The following BNC2 variants were observed in gnomAD, a reference collection of about 807,000 sequenced individuals.
The protein encoded by BNC2 is basonuclin zinc finger protein 2.
Under a neutral mutation model 76.3 loss-of-function variants are expected in BNC2, and 20 were observed. That is an observed-to-expected ratio of 0.26 (90% CI 0.18 to 0.38). BNC2 has a LOEUF of 0.38. Ranked by LOEUF, BNC2 falls within the 10% of genes least tolerant of loss-of-function variation. BNC2 has a pLI of 1.00. For synonymous variants in BNC2, 582 were observed against 514.8 expected (o/e 1.13, Z -1.77); for missense variants, 1,382 against 1,399.8 (o/e 0.99, Z 0.20).
intron 3 of BNC2, among the ~76,000 whole-genome samples, chr9:16,603,810 A>G (rs1820306236): frequency 1.3e-5 from 2 of 152,022 alleles, no homozygotes; most frequent in African/African-American, 4.8e-5. Context: ...AAAAATATAC[A>G]CTTTTCTTTA....
chr9:16,498,753 T>G (rs901040034), intron 5 of BNC2, among the ~76,000 whole-genome samples: 2 of 152,010 alleles, frequency 1.3e-5, no homozygotes, highest in African/African-American at 4.8e-5. Context: ...TAATTTATGA[T>G]GCCTCATATT....
At chr9:16,618,120 C>T (rs550045661) in intron 3 of BNC2, among the ~76,000 whole-genome samples, 1 of 152,304 alleles carries the variant, frequency 6.6e-6, no homozygotes, top group South Asian at 2.1e-4. Flanking sequence ...AATCCCTGAT[C>T]CCATACCCAA....
intron 5 of BNC2, among the ~76,000 whole-genome samples, chr9:16,513,007 T>C (rs1194974690): frequency 6.6e-6 from 1 of 151,922 alleles, no homozygotes; most frequent in Non-Finnish European, 1.5e-5. Context: ...TTTTGGCGCA[T>C]GTTTGTAATC....
chr9:16,668,723 C>G (rs1287530962), intron 3 of BNC2, among the ~76,000 whole-genome samples: 1 of 152,206 alleles, frequency 6.6e-6, no homozygotes, highest in South Asian at 2.1e-4. Flanking sequence ...GAAGAATTGG[C>G]AGGGTGGTTG....
chr9:16,476,612 C>A (rs1019230845), intron 5 of BNC2, among the ~76,000 whole-genome samples: 5 of 152,022 alleles, frequency 3.3e-5, no homozygotes, highest in Non-Finnish European at 7.4e-5. Context: ...GTCCCCTCCC[C>A]CTAGTCTGTA....
At chr9:16,527,428 C>G (rs1443134061) in intron 5 of BNC2, among the ~76,000 whole-genome samples, 2 of 152,170 alleles carry the variant, frequency 1.3e-5, no homozygotes, top group Non-Finnish European at 2.9e-5. Context: ...AAATGGGAGT[C>G]TTATCATCTA....
chr9:16,775,397 T>TA (rs34632311), intron 1 of BNC2, among the ~76,000 whole-genome samples: 118,510 of 148,202 alleles, frequency 0.8, 47,471 homozygotes, highest in Middle Eastern at 0.84. Context: ...ATTTCGTTAT[T>TA]AAAAAAAAAA....
intron 1 of BNC2, among the ~76,000 whole-genome samples, chr9:16,834,196 CA>C (rs112618677): frequency 6.7e-6 from 1 of 149,986 alleles, no homozygotes; most frequent in Non-Finnish European, 1.5e-5. Flanking sequence ...ACTGGCCAGT[CA>C]AAAAAAAAAT....
At chr9:16,443,416 T>G (rs1163285334) in intron 5 of BNC2, among the ~76,000 whole-genome samples, 2 of 152,176 alleles carry the variant, frequency 1.3e-5, no homozygotes, top group Non-Finnish European at 2.9e-5. Context: ...TTCTTTTTCC[T>G]TCTGGGTTAA....
At chr9:16,657,645 T>A (rs1271247647) in intron 3 of BNC2, among the ~76,000 whole-genome samples, 1 of 152,202 alleles carries the variant, frequency 6.6e-6, no homozygotes, top group Admixed American at 6.5e-5. Context: ...AGAAAGAGGC[T>A]TATCGTGTAT....
rs1587250033 is a variant in BNC2, at chr9:16,627,224, A to G, written c.331-44139T>C. Among the ~76,000 whole-genome samples, 5 of 152,322 alleles carry G rather than the reference A, an allele frequency of 3.3e-5. No individual in the cohort carries two copies. In the Middle Eastern group the frequency reaches 0.017, roughly 518 times the overall value. ...CAGTTGAAAAACAGAGTCTGAGGGTAGAGGCATAATCTGCCAATATTTTAC... is the reference window on the plus strand; with the variant it reads ...CAGTTGAAAAACAGAGTCTGAGGGTGGAGGCATAATCTGCCAATATTTTAC... On this transcript the variant is annotated intron_variant, in intron 3 of 6. Coordinates refer to ENST00000380672, the MANE Select transcript of BNC2 (RefSeq NM_017637.6).
chr9:16,506,512 TC>T lies in BNC2; in HGVS notation c.669+46017del, dbSNP rs1404406198. On this transcript the variant is annotated intron_variant, in intron 5 of 6. Coordinates refer to ENST00000380672, the MANE Select transcript of BNC2 (RefSeq NM_017637.6). ...AGTACACTTCTCTCTCTCTCTCTCC[TC>T]TTTTTTTTTTTTTTTTTTTTTTTTT... Among the ~76,000 whole-genome samples, 113 of 78,522 alleles carry T rather than the reference TC, an allele frequency of 1.4e-3. 3 individuals are homozygous for T. Among genetic ancestry groups the T allele is most frequent in the African/African-American group, 4.2e-3 (98 of 23,330 alleles). The allele number at this position is 78,522 out of a possible 152,430, so 51.5% of individuals were successfully genotyped here.
chr9:16,781,659 C>T (rs982238009), intron 1 of BNC2, among the ~76,000 whole-genome samples: 3 of 152,182 alleles, frequency 2.0e-5, no homozygotes, highest in South Asian at 2.1e-4. Context: ...TAAACACATT[C>T]GTGGCAGAAT....
chr9:16,788,362 G>A lies in BNC2; in HGVS notation c.4-49877C>T, dbSNP rs1041036046. ...AAGTCAGGAGATCGAGACCATCCTGGCTAACATGGTGAAACCCCGTCTCTA... is the reference window on the plus strand; with the variant it reads ...AAGTCAGGAGATCGAGACCATCCTGACTAACATGGTGAAACCCCGTCTCTA... On this transcript the variant is annotated intron_variant, in intron 1 of 6. Coordinates refer to ENST00000380672, the MANE Select transcript of BNC2 (RefSeq NM_017637.6). 9.9e-4 allele frequency among the ~76,000 whole-genome samples: 151 copies of A among 151,784 alleles called. 1 individual carries two copies. Among genetic ancestry groups the A allele is most frequent in the Non-Finnish European group, 1.3e-3 (88 of 67,834 alleles).
intron 5 of BNC2, among the ~76,000 whole-genome samples, chr9:16,489,108 G>C (rs73415491): frequency 0.031 from 4,771 of 152,208 alleles, 242 homozygotes; most frequent in African/African-American, 0.11. Flanking sequence ...AAAAGTAAAA[G>C]AGGCAAAACT....
At chr9:16,676,103 T>A (rs1323933636) in intron 3 of BNC2, among the ~76,000 whole-genome samples, 1 of 152,038 alleles carries the variant, frequency 6.6e-6, no homozygotes, top group Admixed American at 6.6e-5. Flanking sequence ...TTCGAAAACA[T>A]GAAAAAATAC....
rs566198783 is a variant in BNC2, at chr9:16,457,684, G to A, written c.670-20160C>T. Among the ~76,000 whole-genome samples the A allele has an allele frequency of 9.0e-4, 137 of 152,290 alleles. 1 individual carries two copies. The highest frequency in any genetic ancestry group is 3.2e-3 in the African/African-American group (132 of 41,552). ...GGACCAAAATTCCAGATTCCCAGAA[G>A]GAAAGCGCGTGTTCGGCATAAAGCA... On this transcript the variant is annotated intron_variant, in intron 5 of 6. Coordinates refer to ENST00000380672, the MANE Select transcript of BNC2 (RefSeq NM_017637.6).
intron 1 of BNC2, among the ~76,000 whole-genome samples, chr9:16,797,241 G>C (rs916902295): frequency 1.3e-5 from 2 of 152,002 alleles, no homozygotes; most frequent in Non-Finnish European, 2.9e-5. Flanking sequence ...CAGAAAACTT[G>C]AGTTCAAGTC....
At chr9:16,611,262 A>G (rs1820537718) in intron 3 of BNC2, among the ~76,000 whole-genome samples, 1 of 152,188 alleles carries the variant, frequency 6.6e-6, no homozygotes, top group South Asian at 2.1e-4. Context: ...ATTAGTCACC[A>G]AAGCATCCAT....
Sources: allele counts gnomAD v4.1 joint callset (sites outside exome capture counted in the v4.1 genomes callset), GRCh38; gene constraint gnomAD v4.1.1; transcripts MANE v1.5; gene names NCBI Gene and HGNC (gene_info 2026-07-23, HGNC 2026-07-21).